ROBO2: variants seen among roughly 807,000 people sequenced by gnomAD.
ROBO2 encodes the protein roundabout homolog 2.
A neutral mutation model predicts 160.8 loss-of-function variants in ROBO2; 53 were observed. The ratio of observed to expected loss-of-function variants is 0.33; its 90% CI spans 0.26 to 0.41. The LOEUF is 0.41. Among genes scored for constraint, ROBO2 ranks in the 10% least tolerant of loss-of-function variants. ROBO2 has a pLI of 1.00. For missense variants in ROBO2, 1,577 were observed against 1,722.4 expected (o/e 0.92, Z 1.49); for synonymous variants, 664 against 611.7 (o/e 1.09, Z -1.26).
At chr3:76,711,322 G>T (rs2093288944) in intron 2 of ROBO2, among the ~76,000 whole-genome samples, 1 of 152,148 alleles carries the variant, frequency 6.6e-6, no homozygotes, top group Non-Finnish European at 1.5e-5. Flanking sequence ...AAACCATCAG[G>T]AGAAGAGCAA....
chr3:76,509,338 C>G lies in ROBO2; in HGVS notation c.109+571736C>G, dbSNP rs150112230. On this transcript the variant is annotated intron_variant, in intron 2 of 26. Transcript: ENST00000487694. ...TTTACTCACCCCTGGTGGAGCAGAGCCAGAGAGAGAGAAAGAGGCAGAGAT... is the reference window on the plus strand; with the variant it reads ...TTTACTCACCCCTGGTGGAGCAGAGGCAGAGAGAGAGAAAGAGGCAGAGAT... Among the ~76,000 whole-genome samples the G allele has an allele frequency of 9.0e-4, 137 of 152,068 alleles. 1 individual carries two copies. The highest frequency in any genetic ancestry group is 3.2e-3 in the African/African-American group (133 of 41,496).
chr3:76,325,118 A>G (rs536153783), intron 2 of ROBO2, among the ~76,000 whole-genome samples: 1 of 152,354 alleles, frequency 6.6e-6, no homozygotes, highest in African/African-American at 2.4e-5. Flanking sequence ...ACAAAAACAA[A>G]CAAACAAAAC....
intron 2 of ROBO2, among the ~76,000 whole-genome samples, chr3:77,379,526 G>A (rs923220684): frequency 6.6e-6 from 1 of 152,052 alleles, no homozygotes; most frequent in African/African-American, 2.4e-5. Flanking sequence ...TAGCTGTAAT[G>A]AATTAGAGCT....
chr3:77,622,068 G>A (rs750909560), intron 22 of ROBO2, among the ~76,000 whole-genome samples, 159 bp from the exon 24 acceptor site: 3 of 151,940 alleles, frequency 2.0e-5, no homozygotes, highest in Non-Finnish European at 2.9e-5. Context: ...GCTCGTATTC[G>A]TAGCCATTGT....
chr3:76,846,221 T>G (rs1467512973), intron 2 of ROBO2, among the ~76,000 whole-genome samples: 1 of 152,182 alleles, frequency 6.6e-6, no homozygotes, highest in Non-Finnish European at 1.5e-5. Flanking sequence ...TAAGGATATA[T>G]ATTCCTTGTT....
intron 1 of ROBO2, among the ~76,000 whole-genome samples, chr3:75,910,246 A>G (rs531436454): frequency 2.6e-5 from 4 of 152,176 alleles, no homozygotes; most frequent in Middle Eastern, 3.2e-3. Context: ...GACCACATGT[A>G]TGAGAATAGT....
At chr3:76,306,408 C>G (rs988906676) in intron 2 of ROBO2, among the ~76,000 whole-genome samples, 1 of 151,732 alleles carries the variant, frequency 6.6e-6, no homozygotes, top group African/African-American at 2.4e-5. Context: ...AAATTATATC[C>G]TTATTAAGAA....
chr3:76,217,901 CA>C (rs1703672513), intron 2 of ROBO2, among the ~76,000 whole-genome samples: 1 of 152,090 alleles, frequency 6.6e-6, no homozygotes, highest in South Asian at 2.1e-4. Flanking sequence ...AACATTGATG[CA>C]AAAATCCTCA....
intron 2 of ROBO2, among the ~76,000 whole-genome samples, chr3:76,067,642 A>T (rs562080913): frequency 6.6e-6 from 1 of 152,232 alleles, no homozygotes; most frequent in South Asian, 2.1e-4. Flanking sequence ...CATTTCCGAG[A>T]GGGCCTGGTT....
chr3:77,405,511 C>T (rs192578408), intron 2 of ROBO2, among the ~76,000 whole-genome samples: 104 of 151,948 alleles, frequency 6.8e-4, no homozygotes, highest in African/African-American at 2.4e-3. Flanking sequence ...TTATGTTCTG[C>T]CCTAAATATA....
chr3:76,509,812 A>G (rs187926250), intron 2 of ROBO2, among the ~76,000 whole-genome samples: 1 of 152,264 alleles, frequency 6.6e-6, no homozygotes, highest in East Asian at 1.9e-4. Flanking sequence ...AGCACCTTTA[A>G]CCTAAAAATT....
intron 2 of ROBO2, among the ~76,000 whole-genome samples, chr3:77,366,741 G>A (rs946776506): frequency 2.0e-5 from 3 of 150,864 alleles, no homozygotes; most frequent in African/African-American, 7.3e-5. Flanking sequence ...CAGTGTAGAG[G>A]TCACATGGCC....
intron 2 of ROBO2, among the ~76,000 whole-genome samples, chr3:76,323,933 T>C (rs141887779): frequency 6.6e-6 from 1 of 152,216 alleles, no homozygotes; most frequent in East Asian, 1.9e-4. Context: ...TCAATAAAAG[T>C]TTTAAGAGAT....
chr3:76,502,411 A>G (rs1419130086), intron 2 of ROBO2, among the ~76,000 whole-genome samples: 5 of 152,232 alleles, frequency 3.3e-5, no homozygotes. Flanking sequence ...TGCACTGTGC[A>G]CTACTGAAAT....
chr3:77,103,130 G>A lies in ROBO2; in HGVS notation c.388+4790G>A, dbSNP rs191768190. The stretch of plus-strand genomic sequence containing the variant: ...GGGGGTCCTCACAGAGATTGTAGCT[G>A]CCTGTGATGCAGCTGAGTCAGTGGC... On this transcript the variant is annotated intron_variant, in intron 2 of 25. Transcript: ENST00000461745. Among the ~76,000 whole-genome samples the A allele has an allele frequency of 5.8e-4, 89 of 152,254 alleles. No homozygotes were observed. In the East Asian group the frequency reaches 0.016, roughly 28 times the overall value.
At chr3:77,343,057 G>GCA (rs1553916531) in intron 2 of ROBO2, among the ~76,000 whole-genome samples, 6 of 63,666 alleles carry the variant, frequency 9.4e-5, no homozygotes, top group Admixed American at 1.6e-4. Context: ...ATAGGTAGAT[G>GCA]GAGAGAGAGA....
intron 3 of ROBO2, 132 bp from the exon 4 acceptor site, chr3:77,480,967 A>C (rs542054744): frequency 6.5e-6 from 5 of 774,888 alleles, no homozygotes; most frequent in Non-Finnish European, 1.1e-5. Flanking sequence ...TGCAAATGCC[A>C]AAATAATGGG....
chr3:76,873,692 A>G (rs2072383377), intron 2 of ROBO2, among the ~76,000 whole-genome samples: 1 of 152,162 alleles, frequency 6.6e-6, no homozygotes, highest in Non-Finnish European at 1.5e-5. Context: ...CAGCCTCCCA[A>G]GTAGCTGGGA....
chr3:76,133,013 C>T (rs974587925), intron 2 of ROBO2, among the ~76,000 whole-genome samples: 4 of 152,130 alleles, frequency 2.6e-5, no homozygotes, highest in South Asian at 4.1e-4. Flanking sequence ...CTCATAAAGC[C>T]CCTTTTGGGA....
Sources: gnomAD v4.1 joint callset for allele counts (sites outside exome capture counted in the v4.1 genomes callset) on GRCh38, gnomAD v4.1.1 for gene constraint, MANE v1.5 for transcripts, NCBI Gene and HGNC (gene_info 2026-07-23, HGNC 2026-07-21) for gene names.